The following GPBP1L1 variants were observed in gnomAD, a reference collection of about 807,000 sequenced individuals.
GPBP1L1 encodes the protein GC-rich promoter binding protein 1 like 1, also known as vasculin-like protein 1.
A neutral mutation model predicts 52.5 loss-of-function variants in GPBP1L1; 23 were observed. The observed-to-expected ratio is 0.44, with a 90% CI of 0.32 to 0.62. The LOEUF (loss-of-function observed/expected upper bound fraction) is 0.62, where lower values mean the gene tolerates loss of function less well. GPBP1L1 is among the 20% of genes least tolerant of loss of function. The pLI is 0.06. For missense variants in GPBP1L1, 596 were observed against 579.3 expected (o/e 1.03, Z -0.30); for synonymous variants, 243 against 203.1 (o/e 1.20, Z -1.67).
chr1:45,650,902 C>G (rs1220732707), intron 6 of GPBP1L1: 1 of 287,546 alleles, frequency 3.5e-6, no homozygotes. Flanking sequence ...TTTCTCCAAC[C>G]AATTCTGCTC....
rs190090096 is a variant in GPBP1L1, at chr1:45,648,318, T to A, written c.478-5819A>T. ...CTTCATTACTCCAATCTTGCTATAG[T>A]TAAATTCCTTATATTAACTTTCTCT... On this transcript the variant is annotated intron_variant, in intron 6 of 12. Transcript: ENST00000355105. 2.8e-3 allele frequency among the ~76,000 whole-genome samples: 424 copies of A among 152,338 alleles called. 2 individuals carry two copies. Among genetic ancestry groups the A allele is most frequent in the African/African-American group, 9.2e-3 (383 of 41,570 alleles).
intron 2 of GPBP1L1, among the ~76,000 whole-genome samples, chr1:45,684,597 C>A (rs1228490526): frequency 6.6e-6 from 1 of 151,954 alleles, no homozygotes; most frequent in African/African-American, 2.4e-5. Flanking sequence ...GTTCCCCCCA[C>A]ACCACAAATC....
chr1:45,648,432 C>A (rs1370605633), intron 6 of GPBP1L1, among the ~76,000 whole-genome samples: 1 of 152,142 alleles, frequency 6.6e-6, no homozygotes, highest in African/African-American at 2.4e-5. Context: ...ACTTGTTATT[C>A]CATTACGGAA....
intron 2 of GPBP1L1, among the ~76,000 whole-genome samples, chr1:45,677,102 G>A (rs908880229): frequency 1.3e-5 from 2 of 152,054 alleles, no homozygotes; most frequent in African/African-American, 2.4e-5. Context: ...TTGGGAGGCT[G>A]AGGCAGGTGG....
chr1:45,645,517 GTT>G (rs1569796392), intron 6 of GPBP1L1, among the ~76,000 whole-genome samples: 2 of 152,150 alleles, frequency 1.3e-5, no homozygotes, highest in East Asian at 3.9e-4. Flanking sequence ...TGACCAAAAT[GTT>G]TTGTTTTTTT....
At chr1:45,683,573 T>C (rs1427887524) in intron 2 of GPBP1L1, among the ~76,000 whole-genome samples, 1 of 147,782 alleles carries the variant, frequency 6.8e-6, no homozygotes, top group Non-Finnish European at 1.5e-5. Context: ...CAAAATAGGG[T>C]ATAAAACAGT....
At chr1:45,664,215 G>A (rs762503312) in intron 2 of GPBP1L1, among the ~76,000 whole-genome samples, 2 of 152,148 alleles carry the variant, frequency 1.3e-5, no homozygotes, top group Non-Finnish European at 2.9e-5. Context: ...AGCTACTCGG[G>A]AGGCTGAGTC....
chr1:45,643,772 C>G (rs2148446040), intron 6 of GPBP1L1, among the ~76,000 whole-genome samples: 1 of 142,090 alleles, frequency 7.0e-6, no homozygotes, highest in East Asian at 2.2e-4. Context: ...CAGGTTCAAG[C>G]AATTCTCCTG....
In GPBP1L1 at chr1:45,665,011, G is replaced by A. The variant is rs534754696; in HGVS notation, c.-1097-3786C>T. 2.7e-4 allele frequency among the ~76,000 whole-genome samples: 41 copies of A among 152,154 alleles called. 1 individual carries two copies. The South Asian group carries it at 3.7e-3, about 14-fold the overall frequency. On this transcript the variant is annotated intron_variant, in intron 2 of 12. Transcript: ENST00000355105. ...CTGTTAAAAAAGATGAAAGATGGCC[G>A]GGCGTGGTGGCTCACACCTGTAATC...
At chr1:45,667,025 G>A (rs1351638290) in intron 2 of GPBP1L1, among the ~76,000 whole-genome samples, 2 of 152,158 alleles carry the variant, frequency 1.3e-5, no homozygotes, top group Non-Finnish European at 2.9e-5. Context: ...GTGATTACCA[G>A]GGACTGGGAA....
intron 2 of GPBP1L1, among the ~76,000 whole-genome samples, chr1:45,668,644 AAG>A (rs1194211046): frequency 2.0e-5 from 3 of 152,168 alleles, no homozygotes; most frequent in Non-Finnish European, 2.9e-5. Flanking sequence ...GCAACAGAGC[AAG>A]ACTCTGTCTC....
At position 45,686,437 on chromosome 1, in the gene GPBP1L1, G is replaced by A. The variant is rs1645286451; in HGVS notation, c.-1168C>T. 1.3e-5 allele frequency: 2 copies of A among 152,382 alleles called. No homozygotes were observed. Among genetic ancestry groups the A allele is most frequent in the African/African-American group, 4.8e-5 (2 of 41,476 alleles). The allele number at this position is 152,382 out of a possible 1,614,324, so 9.4% of individuals were successfully genotyped here. On this transcript the variant is annotated 5_prime_UTR_variant, in exon 1 of 13. Coordinates refer to ENST00000355105, the MANE Select transcript of GPBP1L1 (RefSeq NM_021639.5). ...CGGGCAGCGGCGGAGCTATGGCCAG[G>A]GACTAGACGCTGCGTCTGAGGACGC... is the stretch of plus-strand genomic sequence containing the variant.
intron 2 of GPBP1L1, among the ~76,000 whole-genome samples, chr1:45,674,604 T>C (rs1645116538): frequency 6.6e-6 from 1 of 152,216 alleles, no homozygotes; most frequent in Non-Finnish European, 1.5e-5. Context: ...ATTGTGATCT[T>C]TGCCCAGGCT....
At chr1:45,656,234 T>A (rs1331537183) in intron 4 of GPBP1L1, 2 of 152,214 alleles carry the variant, frequency 1.3e-5, no homozygotes, top group African/African-American at 4.8e-5. Context: ...GGAAGCAGTT[T>A]GAGAAACATT....
At position 45,627,450 on chromosome 1, in the gene GPBP1L1, T is replaced by C. The variant is rs371774190; in HGVS notation, c.*806A>G. ...TTTCCCCTAAAAAAGAATCCACTCA[T>C]CTAATTTTAAAGAAAATATACTTCT... On this transcript the variant is annotated 3_prime_UTR_variant, in exon 13 of 13. Coordinates refer to ENST00000355105, the MANE Select transcript of GPBP1L1 (RefSeq NM_021639.5). 10 of 152,728 alleles carry C rather than the reference T, an allele frequency of 6.5e-5. No individual in the cohort carries two copies. The East Asian group carries it at 1.9e-3, about 29-fold the overall frequency. The allele number at this position is 152,728 out of a possible 1,614,324, so 9.5% of individuals were successfully genotyped here.
chr1:45,650,008 T>C (rs1410168659), intron 6 of GPBP1L1, among the ~76,000 whole-genome samples: 1 of 152,228 alleles, frequency 6.6e-6, no homozygotes, highest in Non-Finnish European at 1.5e-5. Flanking sequence ...TTTCTTGCCT[T>C]ATTGTACTTG....
Position 45,640,201 on chromosome 1 carries a change from A to C in GPBP1L1, c.744+9T>G. The C allele has an allele frequency of 6.2e-7, 1 of 1,606,882 alleles. No individual in the cohort carries two copies. The highest frequency in any genetic ancestry group is 8.5e-7 in the Non-Finnish European group (1 of 1,173,776). On this transcript the variant is annotated intron_variant, in intron 8 of 12. Coordinates refer to ENST00000355105, the MANE Select transcript of GPBP1L1 (RefSeq NM_021639.5). ...TGTATAAGGTTCTTGCCCTGATTCT[A>C]AATCATACCTTGGAAGGAGGTGGTA...
Position 45,627,404 on chromosome 1 carries a change from TCCC to T in GPBP1L1, c.*849_*851del, listed in dbSNP as rs1557689773. The T allele has an allele frequency of 8.5e-5, 13 of 152,404 alleles. No individual in the cohort carries two copies. Among genetic ancestry groups the T allele is most frequent in the Admixed American group, 7.2e-4 (11 of 15,246 alleles). 9.4% of individuals were successfully genotyped at this position (152,404 alleles called of 1,614,324 possible). The stretch of plus-strand genomic sequence containing the variant: ...AAACAGTTGTGTCTGAATTCACATT[TCCC>T]CCCAACTTCTAAAAATATTTCCCCT... On this transcript the variant is annotated 3_prime_UTR_variant, in exon 13 of 13. Transcript: ENST00000355105.
chr1:45,666,408 A>C (rs1645012062), intron 2 of GPBP1L1, among the ~76,000 whole-genome samples: 1 of 152,124 alleles, frequency 6.6e-6, no homozygotes, highest in South Asian at 2.1e-4. Flanking sequence ...GGCCTCCCAA[A>C]GTGCTGGGAT....
Sources: allele counts gnomAD v4.1 joint callset (sites outside exome capture counted in the v4.1 genomes callset), GRCh38; gene constraint gnomAD v4.1.1; transcripts MANE v1.5; gene names NCBI Gene and HGNC (gene_info 2026-07-23, HGNC 2026-07-21).